Variants in TESC observed in about 807,000 individuals in gnomAD.
TESC encodes the protein tescalcin.
In TESC, 19 loss-of-function variants were observed where a neutral mutation model predicts 31.0. The observed-to-expected ratio is 0.61, with a 90% CI of 0.43 to 0.90. The LOEUF (loss-of-function observed/expected upper bound fraction) is 0.90. TESC is among the 40% of genes least tolerant of loss of function. TESC has a pLI of 0.00. For missense variants in TESC, 248 were observed against 303.8 expected (o/e 0.82, Z 1.36); for synonymous variants, 109 against 114.8 (o/e 0.95, Z 0.32).
intron 2 of TESC, among the ~76,000 whole-genome samples, 167 bp downstream of exon 2, chr12:117,075,104 C>T (rs1955029190): frequency 6.6e-6 from 1 of 152,096 alleles, no homozygotes; most frequent in African/African-American, 2.4e-5. Flanking sequence ...CGAGACAGCA[C>T]CACTGCACTC....
intron 1 of TESC, among the ~76,000 whole-genome samples, chr12:117,075,938 T>TAC (rs1955065947): frequency 1.1e-5 from 1 of 94,368 alleles, no homozygotes; most frequent in Non-Finnish European, 2.1e-5. Context: ...TATATATATA[T>TAC]ATGTATATAT....
At chr12:117,087,184 T>C (rs1955229009) in intron 1 of TESC, among the ~76,000 whole-genome samples, 1 of 152,206 alleles carries the variant, frequency 6.6e-6, no homozygotes, top group African/African-American at 2.4e-5. Flanking sequence ...GCTGGGATGT[T>C]AAAATTAACC....
In TESC at chr12:117,073,184, C is replaced by T. The variant is rs570715639; in HGVS notation, c.128+2087G>A. ...GAAACCACCCGCCCTCCATCCCTGTCCTTGGAGGAAACTGACCCCAGGCCC... is the reference window on the plus strand; with the variant it reads ...GAAACCACCCGCCCTCCATCCCTGTTCTTGGAGGAAACTGACCCCAGGCCC... On this transcript the variant is annotated intron_variant, in intron 2 of 7. Coordinates refer to ENST00000335209, the MANE Select transcript of TESC (RefSeq NM_017899.4). Among the ~76,000 whole-genome samples, 4 of 152,290 alleles carry T rather than the reference C, an allele frequency of 2.6e-5. No individual in the cohort carries two copies. In the East Asian group the frequency reaches 5.8e-4, roughly 22 times the overall value.
chr12:117,087,814 G>C (rs184451695), intron 1 of TESC, among the ~76,000 whole-genome samples: 145 of 152,324 alleles, frequency 9.5e-4, no homozygotes, highest in African/African-American at 3.1e-3. Context: ...CTGCACTCCA[G>C]CTTGGGTGAC....
In TESC at chr12:117,067,572, C is replaced by T. The variant is rs75407256; in HGVS notation, c.128+7699G>A. ...GGACAACAGAACGAGATCTTGCTCC[C>T]ATCCCCTCAAAAAGTGGTCATATCA... On this transcript the variant is annotated intron_variant, in intron 2 of 7. Transcript: ENST00000335209. Among the ~76,000 whole-genome samples the T allele has an allele frequency of 4.5e-3, 688 of 152,230 alleles. 7 individuals are homozygous for T. Among genetic ancestry groups the T allele is most frequent in the African/African-American group, 0.015 (638 of 41,520 alleles).
chr12:117,084,519 G>C lies in TESC; in HGVS notation c.59-9179C>G, dbSNP rs570244940. Among the ~76,000 whole-genome samples the C allele has an allele frequency of 4.6e-5, 7 of 152,380 alleles. No homozygotes were observed. In the East Asian group the frequency reaches 1.2e-3, roughly 25 times the overall value. On this transcript the variant is annotated intron_variant, in intron 1 of 7. Coordinates refer to ENST00000335209, the MANE Select transcript of TESC (RefSeq NM_017899.4). Reference sequence around the variant, plus strand: ...AAGGGTTCTGAATGCTGGGGTAAGCGCATTGCCTGCCTGGCCCTGGCCTCC... The same window carrying C: ...AAGGGTTCTGAATGCTGGGGTAAGCCCATTGCCTGCCTGGCCCTGGCCTCC...
intron 2 of TESC, among the ~76,000 whole-genome samples, chr12:117,070,173 G>A (rs765998585): frequency 2.6e-5 from 4 of 152,236 alleles, no homozygotes; most frequent in Non-Finnish European, 5.9e-5. Flanking sequence ...GTTGAAGACC[G>A]GGCCTGGGGT....
At chr12:117,068,040 T>C (rs1485862319) in intron 2 of TESC, among the ~76,000 whole-genome samples, 1 of 152,160 alleles carries the variant, frequency 6.6e-6, no homozygotes, top group East Asian at 1.9e-4. Context: ...CACAGGTGCA[T>C]GCCACCATGC....
chr12:117,047,099 G>A (rs1489470483), intron 4 of TESC, among the ~76,000 whole-genome samples: 8 of 152,242 alleles, frequency 5.3e-5, no homozygotes, highest in Non-Finnish European at 1.0e-4. Flanking sequence ...GGCCTTAGGA[G>A]GGCTGGGAGC....
chr12:117,065,654 T>A (rs1438905060), intron 2 of TESC, among the ~76,000 whole-genome samples: 4 of 152,042 alleles, frequency 2.6e-5, no homozygotes, highest in African/African-American at 9.7e-5. Flanking sequence ...TTTGGGAGGC[T>A]GAGGTGAGAG....
chr12:117,079,671 C>A (rs890586225), intron 1 of TESC, among the ~76,000 whole-genome samples: 1 of 152,074 alleles, frequency 6.6e-6, no homozygotes, highest in Non-Finnish European at 1.5e-5. Flanking sequence ...ATGGACAAAT[C>A]CTTAGGAACA....
chr12:117,048,985 C>T (rs751979955), intron 4 of TESC, 34 bp downstream of exon 4: 1 of 1,613,740 alleles, frequency 6.2e-7, no homozygotes, highest in South Asian at 1.1e-5. Context: ...GCACCCCAGG[C>T]CAGGTGTGAG....
chr12:117,091,874 T>C (rs1955315539), intron 1 of TESC, among the ~76,000 whole-genome samples: 1 of 152,204 alleles, frequency 6.6e-6, no homozygotes, highest in Non-Finnish European at 1.5e-5. Flanking sequence ...GGTAACAGCA[T>C]GGCCTCCCCC....
intron 3 of TESC, among the ~76,000 whole-genome samples, chr12:117,050,306 A>T (rs1280894609): frequency 1.3e-5 from 2 of 152,186 alleles, no homozygotes; most frequent in Admixed American, 1.3e-4. Context: ...CGCAAAGCCT[A>T]AAATATTTAC....
At chr12:117,086,672 A>G (rs1042233619) in intron 1 of TESC, among the ~76,000 whole-genome samples, 2 of 152,100 alleles carry the variant, frequency 1.3e-5, no homozygotes, top group Admixed American at 6.6e-5. Flanking sequence ...TCCTGGCCTC[A>G]AGTGATCCTT....
intron 1 of TESC, 109 bp downstream of exon 1, chr12:117,099,116 G>T: frequency 1.7e-6 from 2 of 1,199,206 alleles, no homozygotes; most frequent in Non-Finnish European, 2.2e-6. Context: ...CGCAGAGAGG[G>T]CCCGCCACTG....
At chr12:117,063,833 G>A (rs1262847989) in intron 2 of TESC, among the ~76,000 whole-genome samples, 1 of 152,204 alleles carries the variant, frequency 6.6e-6, no homozygotes, top group African/African-American at 2.4e-5. Context: ...GGCAGAGACT[G>A]CATGTCACTC....
At chr12:117,089,367 G>T (rs536878371) in intron 1 of TESC, among the ~76,000 whole-genome samples, 1 of 152,260 alleles carries the variant, frequency 6.6e-6, no homozygotes, top group African/African-American at 2.4e-5. Context: ...GAAGGGCCAA[G>T]GGGAGTTGGG....
intron 2 of TESC, among the ~76,000 whole-genome samples, chr12:117,058,352 G>A (rs778832964): frequency 5.9e-5 from 9 of 152,000 alleles, no homozygotes; most frequent in Admixed American, 4.6e-4. Context: ...TAAATACACC[G>A]CGGTAGAAAG....
Sources: allele counts gnomAD v4.1 joint callset (sites outside exome capture counted in the v4.1 genomes callset), GRCh38; gene constraint gnomAD v4.1.1; transcripts MANE v1.5; gene names NCBI Gene and HGNC (gene_info 2026-07-23, HGNC 2026-07-21).